The following EXOC1 variants were observed in gnomAD, a reference collection of about 807,000 sequenced individuals.
EXOC1 encodes SEC3-like 1.
Under a neutral mutation model 107.7 loss-of-function variants are expected in EXOC1, and 67 were observed. That is an observed-to-expected ratio of 0.62 (90% CI 0.51 to 0.76). The LOEUF (loss-of-function observed/expected upper bound fraction) is 0.76. Ranked by LOEUF, EXOC1 falls within the 30% of genes least tolerant of loss-of-function variation. The pLI is 0.00. For missense variants in EXOC1, 833 were observed against 1,055.7 expected (o/e 0.79, Z 2.92); for synonymous variants, 348 against 353.5 (o/e 0.98, Z 0.17).
At chr4:55,901,925 TA>T (rs1200508499) in intron 17 of EXOC1, among the ~76,000 whole-genome samples, 1 of 152,074 alleles carries the variant, frequency 6.6e-6, no homozygotes, top group East Asian at 1.9e-4. Flanking sequence ...ATGACAAATA[TA>T]TTTATAGTAG....
At chr4:55,877,398 C>T (rs2110347314) in intron 8 of EXOC1, 1 of 985,328 alleles carries the variant, frequency 1.0e-6, no homozygotes, top group Non-Finnish European at 1.2e-6. Flanking sequence ...TGAATCTGCT[C>T]CAAGACAGAA....
At chr4:55,875,140 C>T (rs1398473761) in intron 8 of EXOC1, among the ~76,000 whole-genome samples, 1 of 152,040 alleles carries the variant, frequency 6.6e-6, no homozygotes, top group African/African-American at 2.4e-5. Context: ...AACTTTTTAC[C>T]ATATGCTTAA....
intron 17 of EXOC1, 35 bp from the exon 18 acceptor site, chr4:55,902,309 G>T: frequency 7.2e-7 from 1 of 1,382,312 alleles, no homozygotes; most frequent in Non-Finnish European, 9.4e-7. Context: ...AATAAATGCA[G>T]GTCTTAGCCA....
chr4:55,879,874 A>G (rs1011791453), intron 9 of EXOC1, among the ~76,000 whole-genome samples: 2 of 152,190 alleles, frequency 1.3e-5, no homozygotes, highest in African/African-American at 2.4e-5. Context: ...AAGAAATCTA[A>G]TGCATAAGCT....
intron 10 of EXOC1, among the ~76,000 whole-genome samples, chr4:55,884,878 A>T (rs1204125751): frequency 6.6e-6 from 1 of 152,196 alleles, no homozygotes; most frequent in Non-Finnish European, 1.5e-5. Flanking sequence ...ATGGGTAATT[A>T]TTCTGTAACT....
intron 15 of EXOC1, among the ~76,000 whole-genome samples, chr4:55,895,998 G>A (rs17086132): frequency 0.084 from 12,801 of 152,122 alleles, 638 homozygotes; most frequent in African/African-American, 0.12. Flanking sequence ...GAAGTTACCC[G>A]GAGGGATCCT....
At position 55,864,253 on chromosome 4, in the gene EXOC1, T is replaced by G. The variant is rs1463177342; in HGVS notation, c.282T>G (p.Phe94Leu). 1 of 1,585,568 alleles carries G rather than the reference T, an allele frequency of 6.3e-7. No homozygotes were observed. The highest frequency in any genetic ancestry group is 1.2e-5 in the South Asian group (1 of 85,154). Reference protein sequence around the residue: ...IKENPEFDLHFEKIYKWVASS... With the variant: ...IKENPEFDLHLEKIYKWVASS... Reference sequence around the variant, plus strand: ...AAAATCCTGAATTTGATTTACACTTTGAAAAAATATATAAATGGGTTGCCA... The same window carrying G: ...AAAATCCTGAATTTGATTTACACTTGGAAAAAATATATAAATGGGTTGCCA... Residue 94 changes from phenylalanine to leucine, a missense_variant, in exon 4 of 19, where the codon TTT becomes TTG. By Grantham distance (22) the Phe-to-Leu change is conservative. Coordinates refer to ENST00000381295, the MANE Select transcript of EXOC1 (RefSeq NM_001024924.2).
At chr4:55,860,638 T>C in intron 3 of EXOC1, 97 bp downstream of exon 3, 1 of 1,407,978 alleles carries the variant, frequency 7.1e-7, no homozygotes, top group Non-Finnish European at 9.6e-7. Context: ...AACAAATTAA[T>C]ATATATGTTT....
intron 9 of EXOC1, among the ~76,000 whole-genome samples, chr4:55,879,082 T>G (rs1258918474): frequency 6.6e-6 from 1 of 152,188 alleles, no homozygotes; most frequent in Non-Finnish European, 1.5e-5. Flanking sequence ...CTGACTAAAA[T>G]TCTGCACTTG....
At chr4:55,877,623 T>C in intron 8 of EXOC1, 2 of 985,392 alleles carry the variant, frequency 2.0e-6, no homozygotes, top group Non-Finnish European at 1.2e-6. Flanking sequence ...AGAGACAAGC[T>C]TCATTAAAAC....
chr4:55,904,208 G>A (rs1726356619), intron 18 of EXOC1, 135 bp from the exon 19 acceptor site: 1 of 747,040 alleles, frequency 1.3e-6, no homozygotes, highest in East Asian at 3.0e-5. Context: ...AAGTGACTGG[G>A]ATTCTGGTTT....
chr4:55,861,417 A>C (rs1022561265), intron 3 of EXOC1, among the ~76,000 whole-genome samples: 1 of 152,224 alleles, frequency 6.6e-6, no homozygotes, highest in African/African-American at 2.4e-5. Flanking sequence ...CAAAAAACAA[A>C]AAAACTGCCT....
chr4:55,893,712 G>T lies in EXOC1; in HGVS notation c.1885G>T (p.Ala629Ser), dbSNP rs1257180668. ...HVWTAQNVDP[A>S]SFLSTTLGNV... ...GTGGACTGCACAAAATGTGGACCCT[G>T]CTTCTTTCCTAAGTACTACATTGGG... The change falls in exon 15 of 19, where the codon GCT becomes TCT. Residue 629 changes from alanine to serine, a missense_variant. Around this residue, in one of 2 missense-constraint regions of EXOC1, gnomAD observed 216 missense variants for 354.4 expected, o/e 0.61. Transcript: ENST00000381295. 6.2e-7 allele frequency: 1 copy of T among 1,613,998 alleles called. No homozygotes were observed. Among genetic ancestry groups the T allele is most frequent in the East Asian group, 2.2e-5 (1 of 44,874 alleles).
chr4:55,860,443 G>C lies in EXOC1; in HGVS notation c.157G>C (p.Val53Leu). ...TTERPVQVKV[V>L]KVKKSDKGDF... ...TGAACGCCCTGTGCAGGTTAAGGTG[G>C]TCAAAGTCAAGAAATCCGATAAGGG... is the stretch of plus-strand genomic sequence containing the variant. Residue 53 changes from valine (V) to leucine (L), a missense_variant, in exon 3 of 19, where the codon GTC becomes CTC. Around this residue, in one of 2 missense-constraint regions of EXOC1, gnomAD observed 617 missense variants for 701.3 expected, o/e 0.88. Coordinates refer to ENST00000381295, the MANE Select transcript of EXOC1 (RefSeq NM_001024924.2). 5.6e-6 allele frequency: 9 copies of C among 1,613,936 alleles called. No homozygotes were observed. The highest frequency in any genetic ancestry group is 7.6e-6 in the Non-Finnish European group (9 of 1,179,888).
chr4:55,883,559 T>C (rs1162888948), intron 9 of EXOC1: 1 of 274,728 alleles, frequency 3.6e-6, no homozygotes, highest in African/African-American at 2.3e-5. Flanking sequence ...TACAGTGATA[T>C]TTAAAATATG....
intron 18 of EXOC1, among the ~76,000 whole-genome samples, chr4:55,903,185 AAGAAAG>A (rs919471885): frequency 3.3e-5 from 5 of 151,772 alleles, no homozygotes; most frequent in Non-Finnish European, 2.9e-5. Flanking sequence ...AAGAAAAAGA[AAGAAAG>A]AGAAAGAAAG....
chr4:55,878,176 A>G, intron 9 of EXOC1, 110 bp downstream of exon 9: 1 of 1,249,212 alleles, frequency 8.0e-7, no homozygotes, highest in Non-Finnish European at 1.1e-6. Context: ...ATTCTTAGCA[A>G]AGCAGAAAAT....
chr4:55,862,885 AGTTT>A (rs897936750), intron 3 of EXOC1, among the ~76,000 whole-genome samples: 45 of 152,000 alleles, frequency 3.0e-4, no homozygotes, highest in African/African-American at 9.9e-4. Flanking sequence ...TACATCCATA[AGTTT>A]GTTTGTTTGT....
At chr4:55,860,313 CA>C in intron 2 of EXOC1, 97 bp from the exon 3 acceptor site, 2 of 1,464,964 alleles carry the variant, frequency 1.4e-6, no homozygotes, top group South Asian at 2.5e-5. Context: ...CTTTTAGTAT[CA>C]GCTACTAGGC....
Sources: gnomAD v4.1 joint callset for allele counts (sites outside exome capture counted in the v4.1 genomes callset) on GRCh38, gnomAD v4.1.1 for gene constraint, gnomAD v4.1.1 regional missense constraint, MANE v1.5 for transcripts, NCBI Gene and HGNC (gene_info 2026-07-23, HGNC 2026-07-21) for gene names.